MAD1L1: variants seen among roughly 807,000 people sequenced by gnomAD.
MAD1L1 encodes the protein mitotic spindle assembly checkpoint protein MAD1.
A neutral mutation model predicts 96.9 loss-of-function variants in MAD1L1; 95 were observed. That is an observed-to-expected ratio of 0.98 (90% CI 0.83 to 1.16). MAD1L1 has a LOEUF of 1.16. Ranked by LOEUF, MAD1L1 falls within the 50% of genes most tolerant of loss-of-function variation. The probability of loss-of-function intolerance (pLI) is 0.00; values close to 1 mark genes in which losing one functional copy is unlikely to be tolerated. For missense variants in MAD1L1, 1,007 were observed against 954.4 expected, an observed-to-expected ratio of 1.06 and a Z score of -0.73; for synonymous variants, 473 against 396.6, an observed-to-expected ratio of 1.19 and a Z score of -2.29.
At chr7:2,141,316 G>A (rs1232846630) in intron 11 of MAD1L1, among the ~76,000 whole-genome samples, 1 of 152,250 alleles carries the variant, frequency 6.6e-6, no homozygotes, top group East Asian at 1.9e-4. Flanking sequence ...GACCATGCCT[G>A]CTGATGACCC....
At chr7:1,989,602 G>C (rs1489489091) in intron 14 of MAD1L1, among the ~76,000 whole-genome samples, 1 of 152,216 alleles carries the variant, frequency 6.6e-6, no homozygotes, top group African/African-American at 2.4e-5. Context: ...AGAGCAGCCT[G>C]AGCGCGAGCA....
At chr7:2,009,716 G>C (rs1040664905) in intron 13 of MAD1L1, among the ~76,000 whole-genome samples, 3 of 152,212 alleles carry the variant, frequency 2.0e-5, no homozygotes, top group African/African-American at 7.2e-5. Context: ...AGGAAGGCTA[G>C]GGGGTGGACG....
At chr7:1,827,653 C>A (rs1346459461) in intron 18 of MAD1L1, among the ~76,000 whole-genome samples, 1 of 112,234 alleles carries the variant, frequency 8.9e-6, no homozygotes, top group African/African-American at 3.3e-5. Flanking sequence ...GGCCTCCCCT[C>A]CTGAGCCCGG....
At chr7:1,975,369 C>T (rs747917653) in intron 15 of MAD1L1, among the ~76,000 whole-genome samples, 15 of 152,188 alleles carry the variant, frequency 9.9e-5, no homozygotes, top group African/African-American at 1.9e-4. Flanking sequence ...ACTCCAGACC[C>T]GGCCCAGCCA....
At chr7:1,834,325 A>G (rs1270243520) in intron 18 of MAD1L1, among the ~76,000 whole-genome samples, 1 of 152,234 alleles carries the variant, frequency 6.6e-6, no homozygotes, top group Admixed American at 6.5e-5. Context: ...GATCAAAGCA[A>G]CAATGGTGAA....
chr7:2,022,063 C>T (rs199612480), intron 12 of MAD1L1, among the ~76,000 whole-genome samples: 3 of 152,286 alleles, frequency 2.0e-5, no homozygotes, highest in East Asian at 3.9e-4. Context: ...TCAAGTGATC[C>T]TCCCACCTCA....
At chr7:2,122,358 T>C (rs1029176874) in intron 11 of MAD1L1, among the ~76,000 whole-genome samples, 60 of 152,334 alleles carry the variant, frequency 3.9e-4, no homozygotes, top group African/African-American at 1.4e-3. Flanking sequence ...CTGGGTGCAG[T>C]GGTTCACGCT....
At chr7:2,001,003 G>A (rs1781766642) in intron 14 of MAD1L1, among the ~76,000 whole-genome samples, 2 of 152,200 alleles carry the variant, frequency 1.3e-5, no homozygotes, top group African/African-American at 2.4e-5. Context: ...CCATGAGAAG[G>A]GCCTGTAACC....
At chr7:1,911,473 T>A (rs4721185) in intron 17 of MAD1L1, among the ~76,000 whole-genome samples, 1 of 151,958 alleles carries the variant, frequency 6.6e-6, no homozygotes, top group Non-Finnish European at 1.5e-5. Context: ...AGGTGTTCTG[T>A]CCTCTGCCGC....
intron 15 of MAD1L1, among the ~76,000 whole-genome samples, chr7:1,977,846 C>G (rs535910926): frequency 6.6e-6 from 1 of 152,246 alleles, no homozygotes; most frequent in East Asian, 1.9e-4. Context: ...TGGGCAGCCA[C>G]GGGCCGGGAC....
At chr7:2,181,726 T>C (rs1355474828) in intron 10 of MAD1L1, among the ~76,000 whole-genome samples, 6 of 152,174 alleles carry the variant, frequency 3.9e-5, no homozygotes, top group African/African-American at 1.4e-4. Flanking sequence ...TGCACACGCA[T>C]GTTCACAGCA....
chr7:1,895,811 C>T (rs573410178), intron 18 of MAD1L1, among the ~76,000 whole-genome samples: 1 of 152,354 alleles, frequency 6.6e-6, no homozygotes, highest in African/African-American at 2.4e-5. Context: ...TGCAAAGTCA[C>T]ATTCACACGG....
chr7:1,884,399 G>A (rs948607666), intron 18 of MAD1L1, among the ~76,000 whole-genome samples: 3 of 152,176 alleles, frequency 2.0e-5, no homozygotes, highest in Non-Finnish European at 4.4e-5. Context: ...GGTGAGCCCT[G>A]GACTCCTGCA....
chr7:2,042,832 A>G (rs1265965401), intron 12 of MAD1L1, among the ~76,000 whole-genome samples: 1 of 152,130 alleles, frequency 6.6e-6, no homozygotes, highest in Non-Finnish European at 1.5e-5. Context: ...ATTCCTTTAT[A>G]GAGACACAAG....
chr7:2,037,176 G>A (rs907025392), intron 12 of MAD1L1, among the ~76,000 whole-genome samples: 1 of 151,704 alleles, frequency 6.6e-6, no homozygotes, highest in East Asian at 1.9e-4. Flanking sequence ...TGGAAATTTC[G>A]GCTCCTTCTT....
At chr7:2,090,266 G>A (rs1023865421) in intron 11 of MAD1L1, among the ~76,000 whole-genome samples, 4 of 152,234 alleles carry the variant, frequency 2.6e-5, no homozygotes, top group African/African-American at 9.6e-5. Flanking sequence ...CGCTCGGGGA[G>A]GGGCCAGGTC....
rs184927829 is a variant in MAD1L1, at chr7:2,149,442, G to A, written c.987-204C>T. ...ACAGCCCCCACCCCTATGCAACACC[G>A]GGGAGATGACCTTAGAAAGCCCCGA... On this transcript the variant is annotated intron_variant, in intron 10 of 18. Coordinates refer to ENST00000265854, the MANE Select transcript of MAD1L1 (RefSeq NM_001013836.2). Among the ~76,000 whole-genome samples, 89 of 152,208 alleles carry A rather than the reference G, an allele frequency of 5.8e-4. 1 individual carries two copies. Among genetic ancestry groups the A allele is most frequent in the Middle Eastern group, 6.8e-3 (2 of 294 alleles).
chr7:2,227,428 T>C (rs955977385), intron 3 of MAD1L1, among the ~76,000 whole-genome samples: 1 of 152,208 alleles, frequency 6.6e-6, no homozygotes, highest in Non-Finnish European at 1.5e-5. Context: ...CATCTGGCCC[T>C]GTCTGGAGAC....
At chr7:2,134,433 G>A (rs1584401381) in intron 11 of MAD1L1, among the ~76,000 whole-genome samples, 1 of 152,156 alleles carries the variant, frequency 6.6e-6, no homozygotes, top group African/African-American at 2.4e-5. Context: ...TGCAAACAAA[G>A]ACAGTTTTAT....
Sources: gnomAD v4.1 joint callset for allele counts (sites outside exome capture counted in the v4.1 genomes callset) on GRCh38, gnomAD v4.1.1 for gene constraint, MANE v1.5 for transcripts, NCBI Gene and HGNC (gene_info 2026-07-23, HGNC 2026-07-21) for gene names.